NRG3: variants seen among roughly 807,000 people sequenced by gnomAD.
NRG3 encodes pro-neuregulin-3, membrane-bound isoform.
Under a neutral mutation model 66.9 loss-of-function variants are expected in NRG3, and 31 were observed. The ratio of observed to expected loss-of-function variants is 0.46; its 90% CI spans 0.35 to 0.63. The LOEUF (loss-of-function observed/expected upper bound fraction) is 0.63, where lower values mean the gene tolerates loss of function less well. Among genes scored for constraint, NRG3 ranks in the 20% least tolerant of loss-of-function variants. The probability of loss-of-function intolerance (pLI) is 0.00; values close to 1 mark genes in which losing one functional copy is unlikely to be tolerated. For synonymous variants in NRG3, 393 were observed against 359.4 expected, an observed-to-expected ratio of 1.09 and a Z score of -1.06; for missense variants, 910 against 878.9, an observed-to-expected ratio of 1.04 and a Z score of -0.45.
intron 2 of NRG3, among the ~76,000 whole-genome samples, chr10:82,633,473 T>G (rs1836159596): frequency 6.6e-6 from 1 of 151,698 alleles, no homozygotes; most frequent in Admixed American, 6.6e-5. Flanking sequence ...TCCAATAGAG[T>G]TGGGAGGGTG....
At chr10:82,721,547 C>T (rs370709513) in intron 2 of NRG3, among the ~76,000 whole-genome samples, 1 of 152,082 alleles carries the variant, frequency 6.6e-6, no homozygotes, top group Non-Finnish European at 1.5e-5. Flanking sequence ...CTCAGCCTTT[C>T]GAGTAGCTAG....
intron 2 of NRG3, among the ~76,000 whole-genome samples, chr10:82,578,856 T>C (rs1158405473): frequency 6.6e-6 from 1 of 151,898 alleles, no homozygotes; most frequent in Non-Finnish European, 1.5e-5. Context: ...CGAAGGTCAA[T>C]AAAATAGTAA....
chr10:82,033,685 C>T (rs1469096516), intron 1 of NRG3, among the ~76,000 whole-genome samples: 1 of 152,028 alleles, frequency 6.6e-6, no homozygotes, highest in African/African-American at 2.4e-5. Context: ...TTTACATGAG[C>T]ATGTGTGATA....
chr10:82,813,964 C>A (rs2061601891), intron 3 of NRG3, among the ~76,000 whole-genome samples: 1 of 152,240 alleles, frequency 6.6e-6, no homozygotes, highest in African/African-American at 2.4e-5. Context: ...GTCCCAGATT[C>A]ATAGAGCATC....
At chr10:82,712,389 T>C (rs1336399177) in intron 2 of NRG3, among the ~76,000 whole-genome samples, 1 of 152,198 alleles carries the variant, frequency 6.6e-6, no homozygotes, top group Non-Finnish European at 1.5e-5. Flanking sequence ...AAGGGAAAGC[T>C]TGAAATATTT....
chr10:82,774,821 CTTTTTTT>C (rs992021420), intron 3 of NRG3, among the ~76,000 whole-genome samples: 19 of 77,992 alleles, frequency 2.4e-4, no homozygotes, highest in Admixed American at 5.6e-4. Flanking sequence ...TTTCTTTTTT[CTTTTTTT>C]TTTTTTTTTT....
At chr10:82,890,456 C>T (rs900369442) in intron 4 of NRG3, among the ~76,000 whole-genome samples, 2 of 152,062 alleles carry the variant, frequency 1.3e-5, no homozygotes, top group Non-Finnish European at 2.9e-5. Context: ...ACAAAACTGA[C>T]TTAGACTGAT....
At chr10:82,061,000 G>A (rs555182095) in intron 1 of NRG3, among the ~76,000 whole-genome samples, 1 of 152,142 alleles carries the variant, frequency 6.6e-6, no homozygotes, top group Non-Finnish European at 1.5e-5. Flanking sequence ...TTGCAATCTG[G>A]AAATAGCTCC....
At chr10:82,581,831 T>C (rs1448843852) in intron 2 of NRG3, among the ~76,000 whole-genome samples, 1 of 152,100 alleles carries the variant, frequency 6.6e-6, no homozygotes, top group Admixed American at 6.5e-5. Context: ...TGTTATCTTA[T>C]AGAAGTTTTA....
intron 2 of NRG3, among the ~76,000 whole-genome samples, chr10:82,546,354 C>A (rs745327029): frequency 2.6e-4 from 39 of 151,756 alleles, no homozygotes; most frequent in Non-Finnish European, 5.0e-4. Context: ...TAATAAATAC[C>A]GAGATAGTTT....
At chr10:81,972,623 A>G (rs994128006) in intron 1 of NRG3, among the ~76,000 whole-genome samples, 3 of 152,174 alleles carry the variant, frequency 2.0e-5, no homozygotes, top group African/African-American at 7.2e-5. Flanking sequence ...AATAAAACTA[A>G]TAGAAACTAT....
chr10:82,820,262 A>G (rs528606406), intron 3 of NRG3, among the ~76,000 whole-genome samples: 60 of 152,334 alleles, frequency 3.9e-4, no homozygotes, highest in Admixed American at 7.2e-4. Context: ...CCATCTGTGA[A>G]TCTCTGTGGC....
intron 1 of NRG3, among the ~76,000 whole-genome samples, chr10:81,891,207 T>C (rs1842982168): frequency 6.6e-6 from 1 of 152,148 alleles, no homozygotes; most frequent in South Asian, 2.1e-4. Flanking sequence ...CATTTGAGAA[T>C]ATTTTTGCTT....
intron 6 of NRG3, among the ~76,000 whole-genome samples, chr10:82,967,401 C>G (rs923499068): frequency 1.3e-5 from 2 of 152,082 alleles, no homozygotes; most frequent in Non-Finnish European, 2.9e-5. Context: ...TAAATTTCCA[C>G]TCCAACAGTG....
chr10:82,520,738 G>A (rs534101440), intron 2 of NRG3, among the ~76,000 whole-genome samples: 5 of 152,154 alleles, frequency 3.3e-5, no homozygotes, highest in African/African-American at 1.2e-4. Context: ...TCCCACTCTA[G>A]GGGAAAATTT....
chr10:82,732,949 T>G (rs1415934635), intron 2 of NRG3, among the ~76,000 whole-genome samples: 1 of 152,218 alleles, frequency 6.6e-6, no homozygotes, highest in Non-Finnish European at 1.5e-5. Flanking sequence ...ATAGCCCTGT[T>G]AAATTGGCAG....
chr10:82,225,084 A>G (rs1187090160), intron 1 of NRG3, among the ~76,000 whole-genome samples: 2 of 152,072 alleles, frequency 1.3e-5, no homozygotes, highest in Non-Finnish European at 2.9e-5. Flanking sequence ...GTTGTTTCAA[A>G]TGTGTTTACT....
intron 3 of NRG3, among the ~76,000 whole-genome samples, chr10:82,792,122 C>T (rs1488420065): frequency 6.6e-6 from 1 of 151,998 alleles, no homozygotes; most frequent in African/African-American, 2.4e-5. Context: ...TTGTTACAAG[C>T]CTTTGGTTTA....
chr10:82,058,804 T>C (rs1437305221), intron 1 of NRG3, among the ~76,000 whole-genome samples: 1 of 152,128 alleles, frequency 6.6e-6, no homozygotes, highest in Non-Finnish European at 1.5e-5. Flanking sequence ...TACAGACAAC[T>C]GAAGAGGCAG....
Sources: allele counts gnomAD v4.1 joint callset (sites outside exome capture counted in the v4.1 genomes callset), GRCh38; gene constraint gnomAD v4.1.1; transcripts MANE v1.5; gene names NCBI Gene and HGNC (gene_info 2026-07-23, HGNC 2026-07-21).